PHLPP1: variants seen among roughly 807,000 people sequenced by gnomAD.
PHLPP1 encodes the protein PH domain leucine-rich repeat-containing protein phosphatase 1.
In PHLPP1, 42 loss-of-function variants were observed where a neutral mutation model predicts 117.2. That is an observed-to-expected ratio of 0.36 (90% CI 0.28 to 0.46). The LOEUF is 0.46. PHLPP1 is among the 20% of genes least tolerant of loss of function. The pLI is 1.00. For missense variants in PHLPP1, 2,084 were observed against 2,241.9 expected (o/e 0.93, Z 1.42); for synonymous variants, 1,042 against 970.7 (o/e 1.07, Z -1.37).
intron 12 of PHLPP1, among the ~76,000 whole-genome samples, chr18:62,950,281 G>C (rs754436962): frequency 6.6e-6 from 1 of 152,142 alleles, no homozygotes; most frequent in African/African-American, 2.4e-5. Flanking sequence ...TCTAAAATCT[G>C]TGTTACCTTA....
chr18:62,804,948 T>C (rs568447641), intron 1 of PHLPP1, among the ~76,000 whole-genome samples: 1 of 148,586 alleles, frequency 6.7e-6, no homozygotes, highest in African/African-American at 2.5e-5. Context: ...TACAGTATAA[T>C]ATACACTGCA....
At chr18:62,734,876 CAGG>C (rs1262964039) in intron 1 of PHLPP1, among the ~76,000 whole-genome samples, 3 of 152,070 alleles carry the variant, frequency 2.0e-5, no homozygotes, top group South Asian at 4.1e-4. Context: ...CCAATGTAAT[CAGG>C]AGGAGAATAG....
In PHLPP1 at chr18:62,978,253, T is replaced by C. The variant is rs1472656887; in HGVS notation, c.3985-9T>C. 1 of 1,559,148 alleles carries C rather than the reference T, an allele frequency of 6.4e-7. No individual in the cohort carries two copies. Among genetic ancestry groups the C allele is most frequent in the East Asian group, 2.3e-5 (1 of 44,104 alleles). ...TTAACTGTCTGTCTGCAAACCCTTGTTCTTCCAGGATGGCAAGGTGAACGG... is the reference window on the plus strand; with the variant it reads ...TTAACTGTCTGTCTGCAAACCCTTGCTCTTCCAGGATGGCAAGGTGAACGG... On this transcript the variant is annotated splice_polypyrimidine_tract_variant and intron_variant, in intron 16 of 16. Transcript: ENST00000262719. The surrounding 1 kb of genome is among the most constrained non-coding windows in gnomAD (Gnocchi z 7.0).
At chr18:62,782,771 TAAC>T (rs1425390782) in intron 1 of PHLPP1, among the ~76,000 whole-genome samples, 2 of 152,122 alleles carry the variant, frequency 1.3e-5, no homozygotes, top group East Asian at 3.9e-4. Flanking sequence ...GAAGGAGAAA[TAAC>T]AAGGGGTAGT....
chr18:62,752,123 G>C (rs994984866), intron 1 of PHLPP1, among the ~76,000 whole-genome samples: 4 of 152,124 alleles, frequency 2.6e-5, no homozygotes, highest in African/African-American at 9.7e-5. Context: ...TGTTGCCCAG[G>C]CTGGAGTGCA....
intron 7 of PHLPP1, among the ~76,000 whole-genome samples, chr18:62,904,212 A>C (rs1916792067): frequency 6.6e-6 from 1 of 152,260 alleles, no homozygotes; most frequent in African/African-American, 2.4e-5. Context: ...AGTAGGAAGA[A>C]AGAATCTGAA....
At chr18:62,951,077 G>A (rs773440950) in intron 12 of PHLPP1, among the ~76,000 whole-genome samples, 5 of 151,844 alleles carry the variant, frequency 3.3e-5, no homozygotes, top group Admixed American at 2.6e-4. Flanking sequence ...CGCCTCCCAG[G>A]TTCACGCCAT....
rs1911083100 is a variant in PHLPP1 at position 62,972,601 on chromosome 18, G to T, written c.3648G>T (p.Glu1216Asp). The T allele has an allele frequency of 6.2e-7, 1 of 1,613,914 alleles. No homozygotes were observed. The highest frequency in any genetic ancestry group is 1.3e-5 in the African/African-American group (1 of 75,030). Residue 1216 changes from glutamate (E) to aspartate (D), a missense_variant, in exon 15 of 17, where the codon GAG (glutamate) becomes GAT (aspartate). Transcript: ENST00000262719. ...YGVFDGDRNV[E>D]VPYLLQCTMS... ...TGTTTGACGGAGACCGGAATGTGGAGGTGCCCTACCTTCTCCAGTGCACTA... is the reference window on the plus strand; with the variant it reads ...TGTTTGACGGAGACCGGAATGTGGATGTGCCCTACCTTCTCCAGTGCACTA...
intron 1 of PHLPP1, among the ~76,000 whole-genome samples, chr18:62,794,485 A>C (rs73465076): frequency 0.01 from 1,538 of 152,124 alleles, 38 homozygotes; most frequent in African/African-American, 0.035. Flanking sequence ...TCTTAACCTC[A>C]ACCTTCTAAG....
intron 4 of PHLPP1, among the ~76,000 whole-genome samples, chr18:62,883,271 A>AG (rs1401939021): frequency 6.6e-6 from 1 of 152,164 alleles, no homozygotes; most frequent in East Asian, 1.9e-4. Flanking sequence ...CCATGAACAG[A>AG]GTGGGAAACA....
intron 1 of PHLPP1, among the ~76,000 whole-genome samples, chr18:62,762,508 G>A (rs899913880): frequency 6.6e-6 from 1 of 150,992 alleles, no homozygotes; most frequent in Non-Finnish European, 1.5e-5. Flanking sequence ...CCACCTCCTG[G>A]GTTCAAGCGA....
intron 1 of PHLPP1, among the ~76,000 whole-genome samples, chr18:62,821,548 C>CAAAAAAAAAAAAAAAA (rs1568127680): frequency 3.4e-5 from 1 of 29,320 alleles, no homozygotes; most frequent in African/African-American, 1.2e-4. Flanking sequence ...GACCCTTTAT[C>CAAAAAAAAAAAAAAAA]CAAAAAAAAA....
chr18:62,731,037 T>G (rs1447339284), intron 1 of PHLPP1, among the ~76,000 whole-genome samples: 3 of 152,300 alleles, frequency 2.0e-5, no homozygotes, highest in Non-Finnish European at 1.5e-5. Flanking sequence ...CTTGTTTTAT[T>G]GTGCTTGCTT....
At chr18:62,721,147 A>T (rs1910903819) in intron 1 of PHLPP1, among the ~76,000 whole-genome samples, 1 of 152,144 alleles carries the variant, frequency 6.6e-6, no homozygotes, top group Admixed American at 6.6e-5. Context: ...TCAAAGTGGT[A>T]TTTCTTGTGA....
chr18:62,815,759 A>C (rs1914254110), intron 1 of PHLPP1, among the ~76,000 whole-genome samples: 1 of 152,234 alleles, frequency 6.6e-6, no homozygotes, highest in Admixed American at 6.5e-5. Context: ...AAGAAAGTGG[A>C]ATTAGGTGCT....
At chr18:62,862,225 G>A (rs1011036179) in intron 4 of PHLPP1, among the ~76,000 whole-genome samples, 6 of 151,734 alleles carry the variant, frequency 4.0e-5, no homozygotes, top group South Asian at 4.2e-4. Flanking sequence ...GATTACAGGC[G>A]CTCCCCCAAC....
At chr18:62,943,071 A>G (rs1177451589) in intron 11 of PHLPP1, among the ~76,000 whole-genome samples, 1 of 152,204 alleles carries the variant, frequency 6.6e-6, no homozygotes, top group African/African-American at 2.4e-5. Flanking sequence ...GTCTTCTTTC[A>G]GATGATGAAT....
At chr18:62,970,502 T>C (rs1911020751) in intron 14 of PHLPP1, among the ~76,000 whole-genome samples, 1 of 152,180 alleles carries the variant, frequency 6.6e-6, no homozygotes, top group South Asian at 2.1e-4. Context: ...TGGTGGCTCA[T>C]GCCTGTAATC....
intron 1 of PHLPP1, among the ~76,000 whole-genome samples, chr18:62,788,749 A>C (rs1211752035): frequency 6.6e-6 from 1 of 152,210 alleles, no homozygotes; most frequent in African/African-American, 2.4e-5. Context: ...GGATAAACCA[A>C]GAACAGAGTA....
Sources: allele counts gnomAD v4.1 joint callset (sites outside exome capture counted in the v4.1 genomes callset), GRCh38; gene constraint gnomAD v4.1.1; non-coding constraint Gnocchi (gnomAD v3.1); transcripts MANE v1.5; gene names NCBI Gene and HGNC (gene_info 2026-07-23, HGNC 2026-07-21).